RIMS1: variants seen among roughly 807,000 people sequenced by gnomAD.
The protein encoded by RIMS1 is regulating synaptic membrane exocytosis protein 1.
In RIMS1, 83 loss-of-function variants were observed where a neutral mutation model predicts 214.1. The observed-to-expected ratio is 0.39, with a 90% confidence interval of 0.32 to 0.47. The LOEUF is 0.47. RIMS1 is among the 20% of genes least tolerant of loss of function. The probability of loss-of-function intolerance (pLI) is 0.99; values close to 1 mark genes in which losing one functional copy is unlikely to be tolerated. For missense variants in RIMS1, 2,050 were observed against 2,161.8 expected (o/e 0.95, Z 1.03); for synonymous variants, 793 against 786.8 (o/e 1.01, Z -0.13).
intron 2 of RIMS1, among the ~76,000 whole-genome samples, chr6:71,977,832 G>T (rs1047892758): frequency 3.3e-5 from 5 of 152,152 alleles, no homozygotes; most frequent in Non-Finnish European, 7.4e-5. Flanking sequence ...ACAAGCAAGG[G>T]TTCCATCCTA....
At chr6:71,920,408 C>T (rs1429100018) in intron 1 of RIMS1, among the ~76,000 whole-genome samples, 1 of 152,088 alleles carries the variant, frequency 6.6e-6, no homozygotes, top group Non-Finnish European at 1.5e-5. Context: ...GTTATGTGAA[C>T]TCTCTTTACT....
chr6:72,217,227 A>C, intron 6 of RIMS1: 2 of 1,536,340 alleles, frequency 1.3e-6, no homozygotes, highest in Non-Finnish European at 1.7e-6. Flanking sequence ...TACTTCATAC[A>C]TTGCACTCAG....
chr6:72,288,198 A>G (rs1299230525), intron 24 of RIMS1, among the ~76,000 whole-genome samples: 2 of 152,164 alleles, frequency 1.3e-5, no homozygotes, highest in African/African-American at 2.4e-5. Flanking sequence ...ATCTTTCTCC[A>G]GGTCACTCTA....
intron 1 of RIMS1, among the ~76,000 whole-genome samples, chr6:71,912,410 A>G (rs1283959161): frequency 6.6e-6 from 1 of 152,174 alleles, no homozygotes; most frequent in African/African-American, 2.4e-5. Context: ...AACATAAAAT[A>G]CAGATGTAAA....
chr6:72,274,572 C>A, intron 23 of RIMS1, 140 bp downstream of exon 23: 1 of 653,256 alleles, frequency 1.5e-6, no homozygotes. Flanking sequence ...GTAGCCAACT[C>A]TGGTAAAGCA....
intron 29 of RIMS1, among the ~76,000 whole-genome samples, chr6:72,352,028 A>G (rs1432778955): frequency 1.3e-5 from 2 of 152,190 alleles, no homozygotes; most frequent in Non-Finnish European, 1.5e-5. Context: ...GGAATCCAGC[A>G]GTTGGGCTAC....
At chr6:72,007,464 G>C (rs1471587859) in intron 2 of RIMS1, among the ~76,000 whole-genome samples, 1 of 152,200 alleles carries the variant, frequency 6.6e-6, no homozygotes, top group African/African-American at 2.4e-5. Flanking sequence ...ATGGAAGAAA[G>C]CTGGACGGAT....
At chr6:72,018,649 A>G (rs1310341879) in intron 2 of RIMS1, among the ~76,000 whole-genome samples, 5 of 152,188 alleles carry the variant, frequency 3.3e-5, no homozygotes, top group Non-Finnish European at 7.3e-5. Context: ...CAATGATCCC[A>G]GGTGTGAGCC....
intron 4 of RIMS1, among the ~76,000 whole-genome samples, chr6:72,137,160 C>T (rs2041421717): frequency 6.6e-6 from 1 of 151,982 alleles, no homozygotes; most frequent in Non-Finnish European, 1.5e-5. Flanking sequence ...ATGTATATCC[C>T]ATAATTTATT....
At chr6:72,215,477 C>G (rs963033090) in intron 6 of RIMS1, among the ~76,000 whole-genome samples, 5 of 152,218 alleles carry the variant, frequency 3.3e-5, no homozygotes, top group African/African-American at 7.2e-5. Flanking sequence ...CAAATCCCAA[C>G]TCTGCTACTT....
In RIMS1 at chr6:72,271,286, A is replaced by AATATATATATATAT. The variant is rs1222564699; in HGVS notation, c.3399-3046_3399-3033dup. On this transcript the variant is annotated intron_variant, in intron 22 of 33. Transcript: ENST00000521978. Reference sequence around the variant, plus strand: ...ATCTCAAGGAAAAAAAAAAAAAAAAAATATATATATATATATATATATATA... The same window carrying AATATATATATATAT: ...ATCTCAAGGAAAAAAAAAAAAAAAAAATATATATATATATATATATATATATATATATATATATA... Among the ~76,000 whole-genome samples, 261 of 44,156 alleles carry AATATATATATATAT rather than the reference A, an allele frequency of 5.9e-3. 1 individual carries two copies. Among genetic ancestry groups the AATATATATATATAT allele is most frequent in the South Asian group, 9.0e-3 (10 of 1,112 alleles). 29.0% of individuals were successfully genotyped at this position (44,156 alleles called of 152,430 possible).
At chr6:72,218,333 C>T (rs72939725) in intron 6 of RIMS1, among the ~76,000 whole-genome samples, 30,135 of 152,034 alleles carry the variant, frequency 0.2, 3,853 homozygotes, top group Non-Finnish European at 0.28. Flanking sequence ...CTTGCTCCCC[C>T]TCAGGTTCAG....
intron 1 of RIMS1, among the ~76,000 whole-genome samples, chr6:71,934,983 C>A (rs1346686471): frequency 6.6e-6 from 1 of 152,108 alleles, no homozygotes; most frequent in Non-Finnish European, 1.5e-5. Context: ...TAAAATTGAA[C>A]TATTTTTAAC....
intron 6 of RIMS1, among the ~76,000 whole-genome samples, chr6:72,200,857 TTG>T (rs70994114): frequency 0.085 from 12,350 of 146,090 alleles, 528 homozygotes; most frequent in Middle Eastern, 0.13. Flanking sequence ...AAGGACACAA[TTG>T]TGTGTGTGTG....
intron 31 of RIMS1, among the ~76,000 whole-genome samples, chr6:72,396,899 G>A (rs2098785136): frequency 6.6e-6 from 1 of 152,114 alleles, no homozygotes; most frequent in South Asian, 2.1e-4. Context: ...TGTAGTCCCA[G>A]CTACTCAGGA....
intron 6 of RIMS1, among the ~76,000 whole-genome samples, chr6:72,209,198 A>C (rs985363358): frequency 2.6e-5 from 4 of 152,240 alleles, no homozygotes; most frequent in Admixed American, 1.3e-4. Flanking sequence ...TTTGGGATCC[A>C]GAGCCCCCTT....
chr6:72,163,870 C>T (rs1387784740), intron 4 of RIMS1, among the ~76,000 whole-genome samples: 1 of 152,068 alleles, frequency 6.6e-6, no homozygotes, highest in Non-Finnish European at 1.5e-5. Flanking sequence ...TCTGTCCGTT[C>T]TCAGATCTCC....
intron 29 of RIMS1, among the ~76,000 whole-genome samples, chr6:72,352,195 GA>G (rs1318171358): frequency 6.6e-6 from 1 of 152,150 alleles, no homozygotes; most frequent in Non-Finnish European, 1.5e-5. Context: ...ATACTTACAA[GA>G]AAACTGGATT....
At chr6:71,925,870 A>G (rs1046558139) in intron 1 of RIMS1, among the ~76,000 whole-genome samples, 5 of 152,232 alleles carry the variant, frequency 3.3e-5, no homozygotes, top group African/African-American at 1.2e-4. Flanking sequence ...TTTTACAGGT[A>G]TTATCCCTGT....
Sources: allele counts gnomAD v4.1 joint callset (sites outside exome capture counted in the v4.1 genomes callset), GRCh38; gene constraint gnomAD v4.1.1; transcripts MANE v1.5; gene names NCBI Gene and HGNC (gene_info 2026-07-23, HGNC 2026-07-21).